Variants in DAB2IP observed in about 807,000 individuals in gnomAD.
The protein encoded by DAB2IP is DAB2 interacting protein.
In DAB2IP, 28 loss-of-function variants were observed where a neutral mutation model predicts 107.2. That is an observed-to-expected ratio of 0.26 (90% CI 0.19 to 0.36). The LOEUF is 0.36. Among genes scored for constraint, DAB2IP ranks in the 10% least tolerant of loss-of-function variants. DAB2IP has a pLI of 1.00. For missense variants in DAB2IP, 1,400 were observed against 1,644.7 expected (o/e 0.85, Z 2.57); for synonymous variants, 755 against 706.4 (o/e 1.07, Z -1.09).
intron 3 of DAB2IP, among the ~76,000 whole-genome samples, chr9:121,749,173 G>C (rs1458650641): frequency 6.6e-6 from 1 of 152,234 alleles, no homozygotes; most frequent in Non-Finnish European, 1.5e-5. Flanking sequence ...GTGAGCACTG[G>C]CCTTCTGAGC....
Position 121,667,410 on chromosome 9 carries a change from C to T in DAB2IP, c.125-11268C>T, listed in dbSNP as rs559885740. ...GGGGAGCACTAGCCAGTTCACTTTC[C>T]ACGTGGGAGCTATGTTTCCCCACCC... is the stretch of plus-strand genomic sequence containing the variant. On this transcript the variant is annotated intron_variant, in intron 1 of 15. Coordinates refer to ENST00000408936, the Ensembl canonical transcript of DAB2IP. Among the ~76,000 whole-genome samples, 113 of 152,282 alleles carry T rather than the reference C, an allele frequency of 7.4e-4. 1 individual carries two copies. Among genetic ancestry groups the T allele is most frequent in the Admixed American group, 2.1e-3 (32 of 15,308 alleles).
At chr9:121,647,143 G>C (rs60546328), upstream of DAB2IP, among the ~76,000 whole-genome samples, 318 of 152,264 alleles carry the variant, frequency 2.1e-3, 1 homozygote, top group African/African-American at 7.0e-3. Flanking sequence ...TTGGGTTTCT[G>C]TGGTGCCCCA....
At chr9:121,658,406 C>T (rs140111481) in intron 1 of DAB2IP, among the ~76,000 whole-genome samples, 95 of 152,298 alleles carry the variant, frequency 6.2e-4, no homozygotes, top group Middle Eastern at 3.4e-3. Context: ...TGGAAGCTTG[C>T]GCTTGACAGT....
At chr9:121,768,338 G>A in intron 9 of DAB2IP, 94 bp from the exon 10 acceptor site, 1 of 1,353,348 alleles carries the variant, frequency 7.4e-7, no homozygotes, top group Non-Finnish European at 1.1e-6. Context: ...GCCTGCCATA[G>A]TGGGGAAAGC....
chr9:121,776,313 C>T lies in DAB2IP; in HGVS notation c.3236C>T (p.Ala1079Val). ...CAGAAGCTGGTGCTGGAGTACCAGG[C>T]ACGGCTGGAGGAGGGCGAGGAGCGG... The change falls in exon 14 of 16, where the codon GCA (alanine) becomes GTA (valine). Residue 1079 changes from alanine (A) to valine (V), a missense_variant. Physicochemically the swap from Ala to Val is moderately conservative, Grantham distance 64 (BLOSUM62 0). Coordinates refer to ENST00000408936, the Ensembl canonical transcript of DAB2IP. This position sits in a 1 kb window ranked among gnomAD's most constrained non-coding sequence, Gnocchi z 5.4. The T allele has an allele frequency of 6.4e-7, 1 of 1,567,508 alleles. No homozygotes were observed. The highest frequency in any genetic ancestry group is 1.2e-5 in the South Asian group (1 of 85,096).
chr9:121,587,962 C>T (rs116343593), intron 1 of DAB2IP, among the ~76,000 whole-genome samples: 105 of 152,338 alleles, frequency 6.9e-4, no homozygotes, highest in African/African-American at 2.4e-3. Flanking sequence ...ATCCTACCCC[C>T]ATCTCCTCAC....
intron 11 of DAB2IP, among the ~76,000 whole-genome samples, chr9:121,771,862 A>G (rs1834770180): frequency 1.4e-5 from 2 of 145,962 alleles, no homozygotes; most frequent in African/African-American, 5.0e-5. Flanking sequence ...AAGTCCTTGC[A>G]GCCTTCAGTT....
chr9:121,623,579 G>C (rs1831547065), intron 1 of DAB2IP, among the ~76,000 whole-genome samples: 1 of 152,126 alleles, frequency 6.6e-6, no homozygotes, highest in South Asian at 2.1e-4. Flanking sequence ...TGTTGCCCAG[G>C]CTGGTCTTGA....
exon 16 of DAB2IP, chr9:121,783,267 C>T (rs1835787137): frequency 1.5e-6 from 2 of 1,346,246 alleles, no homozygotes; most frequent in African/African-American, 2.9e-5. Flanking sequence ...CCCACAGCTT[C>T]CCACACCTCC....
chr9:121,764,789 C>G (rs1273218119), intron 8 of DAB2IP, among the ~76,000 whole-genome samples: 1 of 152,228 alleles, frequency 6.6e-6, no homozygotes. Flanking sequence ...TGCACCTTCC[C>G]CTGCATACAC....
At chr9:121,771,951 G>A (rs539351621) in intron 11 of DAB2IP, among the ~76,000 whole-genome samples, 59 of 152,020 alleles carry the variant, frequency 3.9e-4, no homozygotes, top group Non-Finnish European at 7.1e-4. Flanking sequence ...GCTAGCTTCT[G>A]GGGAGGGGCC....
intron 3 of DAB2IP, chr9:121,751,011 C>G (rs1043628477): frequency 5.8e-6 from 1 of 172,026 alleles, no homozygotes; most frequent in Non-Finnish European, 1.3e-5. Context: ...ATCCCTGTAT[C>G]CCCCGGTCCT....
At chr9:121,688,428 G>T (rs1437555221) in intron 2 of DAB2IP, among the ~76,000 whole-genome samples, 1 of 152,276 alleles carries the variant, frequency 6.6e-6, no homozygotes, top group African/African-American at 2.4e-5. Context: ...ACCTTAGATG[G>T]CTCCCAGCAG....
intron 1 of DAB2IP, among the ~76,000 whole-genome samples, chr9:121,654,418 CCT>C (rs1832890268): frequency 6.6e-6 from 1 of 152,048 alleles, no homozygotes; most frequent in Admixed American, 6.5e-5. Flanking sequence ...ATAGCAAGAC[CCT>C]GTCTCAATAT....
rs190339364 is a variant in DAB2IP, at chr9:121,654,767, A to G, written c.124+2868A>G. The stretch of plus-strand genomic sequence containing the variant: ...TGGGGGCTTGGTCCCATGGTGTGGT[A>G]GCATCGGACCTCAGAGGAGTGGGTG... On this transcript the variant is annotated intron_variant, in intron 1 of 15. Transcript: ENST00000408936. Among the ~76,000 whole-genome samples, 117 of 152,304 alleles carry G rather than the reference A, an allele frequency of 7.7e-4. 1 individual carries two copies. The highest frequency in any genetic ancestry group is 2.1e-3 in the Admixed American group (32 of 15,302).
intron 3 of DAB2IP, chr9:121,737,215 G>GGCGACTTGCCA (rs1207114597): frequency 1.0e-6 from 1 of 985,278 alleles, no homozygotes; most frequent in Non-Finnish European, 1.2e-6. Flanking sequence ...GGCCCCAGAG[G>GGCGACTTGCCA]GCGACTTGCC....
chr9:121,769,202 T>C (rs1260068870), intron 10 of DAB2IP, among the ~76,000 whole-genome samples: 1 of 152,096 alleles, frequency 6.6e-6, no homozygotes, highest in Non-Finnish European at 1.5e-5. Flanking sequence ...TTCCCGAATA[T>C]CTGTTGCTTT....
intron 1 of DAB2IP, among the ~76,000 whole-genome samples, chr9:121,663,252 C>T (rs934809183): frequency 6.6e-6 from 1 of 152,206 alleles, no homozygotes; most frequent in Non-Finnish European, 1.5e-5. Flanking sequence ...TACTAGGCTA[C>T]ACCAGACTAT....
chr9:121,744,115 T>G (rs1046778539), intron 3 of DAB2IP, among the ~76,000 whole-genome samples: 16 of 152,308 alleles, frequency 1.1e-4, no homozygotes, highest in Admixed American at 9.8e-4. Context: ...TGGCCTTTGC[T>G]CTGAGTGGCC....
Sources: allele counts gnomAD v4.1 joint callset (sites outside exome capture counted in the v4.1 genomes callset), GRCh38; gene constraint gnomAD v4.1.1; non-coding constraint Gnocchi (gnomAD v3.1); transcripts MANE v1.5; gene names NCBI Gene and HGNC (gene_info 2026-07-23, HGNC 2026-07-21).